Variants in KCND3 observed in about 807,000 individuals in gnomAD.
KCND3 encodes the protein A-type voltage-gated potassium channel KCND3.
In KCND3, 9 loss-of-function variants were observed where a neutral mutation model predicts 51.1. The ratio of observed to expected loss-of-function variants is 0.18; its 90% CI spans 0.11 to 0.31. KCND3 has a LOEUF of 0.31. Among genes scored for constraint, KCND3 ranks in the 10% least tolerant of loss-of-function variants. The pLI, the probability that KCND3 is intolerant of heterozygous loss-of-function variation, is 1.00. For synonymous variants in KCND3, 349 were observed against 368.0 expected (o/e 0.95, Z 0.59); for missense variants, 526 against 903.8 (o/e 0.58, Z 5.36).
chr1:111,812,109 C>T (rs898841436), intron 2 of KCND3, among the ~76,000 whole-genome samples: 2 of 152,092 alleles, frequency 1.3e-5, no homozygotes, highest in South Asian at 2.1e-4. Context: ...TGTGGGGTGT[C>T]GGGCACGGTG....
chr1:111,801,456 T>C (rs141675248), intron 2 of KCND3, among the ~76,000 whole-genome samples: 55 of 152,354 alleles, frequency 3.6e-4, no homozygotes, highest in African/African-American at 1.3e-3. Flanking sequence ...GGTTCAGTCC[T>C]GCCTCTCCTC....
At chr1:111,934,485 C>T (rs1672124049) in intron 2 of KCND3, among the ~76,000 whole-genome samples, 1 of 152,188 alleles carries the variant, frequency 6.6e-6, no homozygotes, top group Non-Finnish European at 1.5e-5. Context: ...ACATAGAAGG[C>T]CCAGGTGAAA....
At chr1:111,979,985 C>G (rs991215789) in intron 2 of KCND3, among the ~76,000 whole-genome samples, 3 of 152,150 alleles carry the variant, frequency 2.0e-5, no homozygotes, top group Non-Finnish European at 4.4e-5. Context: ...AGTGAGGTGT[C>G]TGGCCATGGG....
intron 3 of KCND3, among the ~76,000 whole-genome samples, chr1:111,781,198 C>T (rs1042068382): frequency 2.0e-5 from 3 of 152,128 alleles, no homozygotes; most frequent in Non-Finnish European, 4.4e-5. Context: ...CCTCTAGGGT[C>T]CAGTACAATT....
intron 2 of KCND3, among the ~76,000 whole-genome samples, chr1:111,896,653 T>A (rs1165721073): frequency 6.6e-6 from 1 of 152,126 alleles, no homozygotes; most frequent in East Asian, 1.9e-4. Context: ...CAGCAATAGG[T>A]TCAAATGAGC....
At position 111,820,250 on chromosome 1, in the gene KCND3, C is replaced by G. The variant is rs560289450; in HGVS notation, c.1107-33144G>C. On this transcript the variant is annotated intron_variant, in intron 2 of 7. Transcript: ENST00000302127. ...TAGCCCTCACTTCCTGGAATTCCCC[C>G]CTGCTGGTTCTACCTGTCAAAATCC... Among the ~76,000 whole-genome samples the G allele has an allele frequency of 4.6e-5, 7 of 152,292 alleles. No individual in the cohort carries two copies. The East Asian group carries it at 1.2e-3, about 25-fold the overall frequency.
intron 1 of KCND3, among the ~76,000 whole-genome samples, chr1:111,986,244 C>G (rs757334931): frequency 6.6e-6 from 1 of 152,222 alleles, no homozygotes; most frequent in Non-Finnish European, 1.5e-5. Flanking sequence ...TTACACACAA[C>G]ATTTAATTTA....
intron 2 of KCND3, among the ~76,000 whole-genome samples, chr1:111,831,860 G>A (rs1185375908): frequency 6.6e-6 from 1 of 152,202 alleles, no homozygotes; most frequent in African/African-American, 2.4e-5. Flanking sequence ...CTTGAGGCCA[G>A]GAATGGGAAC....
chr1:111,877,765 G>A (rs1248558477), intron 2 of KCND3, among the ~76,000 whole-genome samples: 1 of 152,196 alleles, frequency 6.6e-6, no homozygotes, highest in Admixed American at 6.5e-5. Flanking sequence ...CCTTCCTCTT[G>A]AAATAAGTTC....
At chr1:111,786,101 C>T (rs1287438671) in intron 3 of KCND3, among the ~76,000 whole-genome samples, 1 of 152,210 alleles carries the variant, frequency 6.6e-6, no homozygotes, top group Non-Finnish European at 1.5e-5. Flanking sequence ...ACACCGCTTT[C>T]CCACTTCCCC....
chr1:111,930,819 C>T (rs1671933239), intron 2 of KCND3, among the ~76,000 whole-genome samples: 1 of 152,340 alleles, frequency 6.6e-6, no homozygotes, highest in South Asian at 2.1e-4. Context: ...TACAGTGAGA[C>T]TTAACCGTGA....
Position 111,771,503 on chromosome 1 carries a change from G to A in KCND3, c.*4574C>T, listed in dbSNP as rs1488929526. 7 of 152,190 alleles carry A rather than the reference G, an allele frequency of 4.6e-5. No individual in the cohort carries two copies. Among genetic ancestry groups the A allele is most frequent in the Admixed American group, 3.9e-4 (6 of 15,282 alleles). 9.4% of individuals were successfully genotyped at this position (152,190 alleles called of 1,614,324 possible). Reference sequence around the variant, plus strand: ...CTTATAGTTACCTGGTAATTGAAGTGGGAGACTGGAAAACTGGAATTCTTT... The same window carrying A: ...CTTATAGTTACCTGGTAATTGAAGTAGGAGACTGGAAAACTGGAATTCTTT... On this transcript the variant is annotated 3_prime_UTR_variant, in exon 8 of 8. Transcript: ENST00000302127.
chr1:111,864,936 C>T (rs1222572024), intron 2 of KCND3, among the ~76,000 whole-genome samples: 1 of 152,024 alleles, frequency 6.6e-6, no homozygotes, highest in African/African-American at 2.4e-5. Flanking sequence ...AGAGAATGCT[C>T]ACATACGAGA....
At chr1:111,935,645 A>G (rs1035139909) in intron 2 of KCND3, among the ~76,000 whole-genome samples, 2 of 152,198 alleles carry the variant, frequency 1.3e-5, no homozygotes, top group African/African-American at 2.4e-5. Flanking sequence ...TGAACACTCA[A>G]GTGTGCCAGG....
chr1:111,946,472 C>T (rs909643961), intron 2 of KCND3, among the ~76,000 whole-genome samples: 3 of 152,154 alleles, frequency 2.0e-5, no homozygotes. Context: ...TTGTCTGAGT[C>T]CTTCATGCCC....
intron 2 of KCND3, among the ~76,000 whole-genome samples, chr1:111,885,041 C>T (rs1669506331): frequency 6.6e-6 from 1 of 152,160 alleles, no homozygotes; most frequent in South Asian, 2.1e-4. Context: ...GGCCGAATGT[C>T]CCCTATGGTA....
intron 2 of KCND3, among the ~76,000 whole-genome samples, chr1:111,805,225 G>GA (rs1665509614): frequency 1.4e-5 from 2 of 145,230 alleles, no homozygotes; most frequent in Admixed American, 6.6e-5. Context: ...CCCAACAGGG[G>GA]GAAAAAAAAA....
chr1:111,880,106 G>A (rs1391161696), intron 2 of KCND3, among the ~76,000 whole-genome samples: 2 of 152,212 alleles, frequency 1.3e-5, no homozygotes, highest in African/African-American at 4.8e-5. Context: ...ATTAGCAGAT[G>A]TTTTTAAGTT....
chr1:111,885,056 TC>T (rs1669506889), intron 2 of KCND3, among the ~76,000 whole-genome samples: 1 of 152,168 alleles, frequency 6.6e-6, no homozygotes. Context: ...ATGGTAAAAA[TC>T]TTCCCTAGTT....
Sources: gnomAD v4.1 joint callset for allele counts (sites outside exome capture counted in the v4.1 genomes callset) on GRCh38, gnomAD v4.1.1 for gene constraint, MANE v1.5 for transcripts, NCBI Gene and HGNC (gene_info 2026-07-23, HGNC 2026-07-21) for gene names.